Variants in TMEFF1 observed in about 807,000 individuals in gnomAD.
TMEFF1 encodes the protein tomoregulin-1.
In TMEFF1, 20 loss-of-function variants were observed where a neutral mutation model predicts 47.5. That is an observed-to-expected ratio of 0.42 (90% CI 0.30 to 0.61). TMEFF1 has a LOEUF of 0.61. TMEFF1 is among the 20% of genes least tolerant of loss of function. The probability of loss-of-function intolerance (pLI) is 0.19; values close to 1 mark genes in which losing one functional copy is unlikely to be tolerated. For synonymous variants in TMEFF1, 162 were observed against 166.3 expected, an observed-to-expected ratio of 0.97 and a Z score of 0.20; for missense variants, 411 against 471.1, an observed-to-expected ratio of 0.87 and a Z score of 1.18.
chr9:100,533,146 A>G (rs1425214041), intron 5 of TMEFF1, among the ~76,000 whole-genome samples: 1 of 150,698 alleles, frequency 6.6e-6, no homozygotes, highest in Non-Finnish European at 1.5e-5. Flanking sequence ...CTAGATGACG[A>G]TTTAGTGGGT....
chr9:100,490,863 GTGTGTGTGTA>G (rs1484071119), intron 1 of TMEFF1, among the ~76,000 whole-genome samples: 115 of 151,314 alleles, frequency 7.6e-4, no homozygotes, highest in African/African-American at 2.8e-3. Context: ...GTGTGTGTGT[GTGTGTGTGTA>G]TGTGTGTATG....
chr9:100,513,789 C>T (rs1838011482), intron 4 of TMEFF1, among the ~76,000 whole-genome samples: 1 of 152,114 alleles, frequency 6.6e-6, no homozygotes, highest in South Asian at 2.1e-4. Context: ...CAAGTTTTTG[C>T]TCATCAGGAA....
In TMEFF1 at chr9:100,551,168, C is replaced by T. The variant is rs192505878; in HGVS notation, c.775+1008C>T. ...AAAGATATGTGATCTATCTTTTATA[C>T]CTAATTTCTAAACAATATGTAAAAT... On this transcript the variant is annotated intron_variant, in intron 7 of 9. Coordinates refer to ENST00000374879, the MANE Select transcript of TMEFF1 (RefSeq NM_003692.5). 5.1e-4 allele frequency among the ~76,000 whole-genome samples: 77 copies of T among 152,304 alleles called. 1 individual carries two copies. The highest frequency in any genetic ancestry group is 1.8e-3 in the African/African-American group (74 of 41,576).
intron 3 of TMEFF1, among the ~76,000 whole-genome samples, chr9:100,511,164 A>G (rs543193058): frequency 6.6e-6 from 1 of 152,282 alleles, no homozygotes; most frequent in Non-Finnish European, 1.5e-5. Context: ...GTTCTTATAT[A>G]CTTCTTTAAG....
chr9:100,509,240 G>A lies in TMEFF1; in HGVS notation c.436+106G>A, dbSNP rs1404041485. The A allele has an allele frequency of 5.2e-6, 7 of 1,338,182 alleles. No homozygotes were observed. In the Admixed American group the frequency reaches 1.5e-4, roughly 29 times the overall value. The allele number at this position is 1,338,182 out of a possible 1,614,324, so 82.9% of individuals were successfully genotyped here. A position where few individuals can be genotyped will look rare whatever the true frequency, so the allele number is the denominator to read the frequency against. ...ATTTCCACAACTGCTGTGTGGATTG[G>A]TGGTGGTTGTTGCGGGGAGTAGGGG... On this transcript the variant is annotated intron_variant, in intron 3 of 9. Transcript: ENST00000374879.
intron 8 of TMEFF1, among the ~76,000 whole-genome samples, chr9:100,568,053 A>G (rs1283948516): frequency 6.6e-6 from 1 of 152,136 alleles, no homozygotes; most frequent in Non-Finnish European, 1.5e-5. Context: ...ATCACCTCCC[A>G]CTGGGTTCCT....
intron 5 of TMEFF1, among the ~76,000 whole-genome samples, chr9:100,539,107 T>C: frequency 6.6e-6 from 1 of 152,164 alleles, no homozygotes; most frequent in Non-Finnish European, 1.5e-5. Flanking sequence ...GGTTTCGCCA[T>C]GTTGGCCAGG....
At chr9:100,554,343 G>A (rs1172541011) in intron 7 of TMEFF1, among the ~76,000 whole-genome samples, 4 of 152,118 alleles carry the variant, frequency 2.6e-5, no homozygotes, top group Non-Finnish European at 5.9e-5. Flanking sequence ...GAGCTTGGTG[G>A]AGAGTCATAT....
intron 8 of TMEFF1, among the ~76,000 whole-genome samples, chr9:100,566,251 C>T (rs141336194): frequency 1.3e-5 from 2 of 152,320 alleles, no homozygotes; most frequent in Admixed American, 6.5e-5. Context: ...AGTCTCAGGA[C>T]TTCCCATGAC....
At chr9:100,484,066 T>C (rs1372477713) in intron 1 of TMEFF1, among the ~76,000 whole-genome samples, 3 of 152,222 alleles carry the variant, frequency 2.0e-5, no homozygotes, top group Non-Finnish European at 4.4e-5. Flanking sequence ...CAAGTATCTC[T>C]TGAAGTTATC....
In TMEFF1 at chr9:100,498,803, G is replaced by A. The variant is rs751696340; in HGVS notation, c.235G>A (p.Glu79Lys). The change falls in exon 2 of 10, where the codon GAG becomes AAG. Residue 79 changes from glutamate to lysine, a missense_variant. Glu to Lys is a moderately conservative substitution (Grantham distance 56). Coordinates refer to ENST00000374879, the MANE Select transcript of TMEFF1 (RefSeq NM_003692.5). ...GGAGTCTGACGTAAGAGTTTGTGATGAGTCATCATGTAAATATGGAGGAGT... is the reference window on the plus strand; with the variant it reads ...GGAGTCTGACGTAAGAGTTTGTGATAAGTCATCATGTAAATATGGAGGAGT... ...VRESDVRVCD[E>K]SSCKYGGVCK... 1.9e-6 allele frequency: 3 copies of A among 1,613,812 alleles called. No individual in the cohort carries two copies. Among genetic ancestry groups the A allele is most frequent in the Admixed American group, 1.7e-5 (1 of 59,968 alleles).
chr9:100,572,103 G>C (rs913237409), intron 8 of TMEFF1, among the ~76,000 whole-genome samples: 1 of 152,008 alleles, frequency 6.6e-6, no homozygotes, highest in African/African-American at 2.4e-5. Flanking sequence ...CGGGAGTTGG[G>C]GGGGATCCCT....
rs1491121749 is a variant in TMEFF1, at chr9:100,541,346, TCA to T, written c.561-6397_561-6396del. Among the ~76,000 whole-genome samples, 2 of 144,938 alleles carry T rather than the reference TCA, an allele frequency of 1.4e-5. 1 individual carries two copies. The highest frequency in any genetic ancestry group is 4.9e-4 in the South Asian group (2 of 4,086). ...CCCTATCATGGTGGATTTGGCAATTTCATTTTTTTTTTTTTTCTTTCTTTCTT... is the reference window on the plus strand; with the variant it reads ...CCCTATCATGGTGGATTTGGCAATTTTTTTTTTTTTTTTTCTTTCTTTCTT... On this transcript the variant is annotated intron_variant, in intron 5 of 9. Coordinates refer to ENST00000374879, the MANE Select transcript of TMEFF1 (RefSeq NM_003692.5).
chr9:100,493,182 C>G (rs529005773), intron 1 of TMEFF1, among the ~76,000 whole-genome samples: 57 of 151,990 alleles, frequency 3.8e-4, no homozygotes, highest in Non-Finnish European at 6.9e-4. Context: ...AGGACTGTTG[C>G]TAAACAACCT....
At chr9:100,476,570 T>C (rs1837232146) in intron 1 of TMEFF1, among the ~76,000 whole-genome samples, 1 of 149,986 alleles carries the variant, frequency 6.7e-6, no homozygotes, top group South Asian at 2.1e-4. Flanking sequence ...AATTTGTATT[T>C]TTAGTAGGGA....
At chr9:100,493,621 T>C (rs945464461) in intron 1 of TMEFF1, among the ~76,000 whole-genome samples, 1 of 152,206 alleles carries the variant, frequency 6.6e-6, no homozygotes, top group African/African-American at 2.4e-5. Flanking sequence ...TGAGCAACTC[T>C]TGTGAGTACT....
At chr9:100,564,176 G>A (rs1454748049) in intron 8 of TMEFF1, among the ~76,000 whole-genome samples, 2 of 152,208 alleles carry the variant, frequency 1.3e-5, no homozygotes, top group Admixed American at 1.3e-4. Context: ...CCAGGTTCAA[G>A]CGATTCTCTT....
At chr9:100,501,193 G>A (rs967205051) in intron 2 of TMEFF1, among the ~76,000 whole-genome samples, 2 of 152,198 alleles carry the variant, frequency 1.3e-5, no homozygotes, top group African/African-American at 4.8e-5. Context: ...TTCAGCTGCT[G>A]TGTTTCCTTA....
At chr9:100,493,554 G>A (rs1837595703) in intron 1 of TMEFF1, among the ~76,000 whole-genome samples, 1 of 152,158 alleles carries the variant, frequency 6.6e-6, no homozygotes, top group Non-Finnish European at 1.5e-5. Context: ...CTCGAGACAA[G>A]TTTTACATTT....
Sources: gnomAD v4.1 joint callset for allele counts (sites outside exome capture counted in the v4.1 genomes callset) on GRCh38, gnomAD v4.1.1 for gene constraint, MANE v1.5 for transcripts, NCBI Gene and HGNC (gene_info 2026-07-23, HGNC 2026-07-21) for gene names.